SKIC3: variants seen among roughly 807,000 people sequenced by gnomAD.
The protein encoded by SKIC3 is superkiller complex protein 3.
chr5:95,491,689 C>T, the SKIC3 span, among the ~76,000 whole-genome samples: 18 of 152,202 alleles, frequency 1.2e-4, no homozygotes, highest in African/African-American at 3.6e-4. Context: ...TTATGCATAA[C>T]GACTTCTCTT....
chr5:95,533,802 T>C, the SKIC3 span, among the ~76,000 whole-genome samples: 6 of 152,202 alleles, frequency 3.9e-5, no homozygotes, highest in African/African-American at 1.4e-4. Flanking sequence ...ACTGAATTTA[T>C]GTGCAAAACT....
the SKIC3 span, chr5:95,516,369 G>A: frequency 1.2e-5 from 19 of 1,612,894 alleles, no homozygotes; most frequent in Non-Finnish European, 1.6e-5. Flanking sequence ...GTTTTCATTT[G>A]TGAGGTATAA....
chr5:95,524,733 A>G, the SKIC3 span: 1 of 1,138,614 alleles, frequency 8.8e-7, no homozygotes, highest in Non-Finnish European at 1.2e-6. Context: ...TCACTTTAGG[A>G]TTTATATTAT....
the SKIC3 span, among the ~76,000 whole-genome samples, chr5:95,505,730 T>C: frequency 6.6e-6 from 1 of 151,952 alleles, no homozygotes; most frequent in Non-Finnish European, 1.5e-5. Context: ...GGAGAATCTC[T>C]TGAACCCCAG....
the SKIC3 span, among the ~76,000 whole-genome samples, chr5:95,476,116 G>C: frequency 6.6e-6 from 1 of 152,338 alleles, no homozygotes; most frequent in African/African-American, 2.4e-5. Context: ...TGCAAAGGGA[G>C]GCATGCCCCA....
chr5:95,467,879 T>C, the SKIC3 span: 1 of 1,613,656 alleles, frequency 6.2e-7, no homozygotes, highest in Non-Finnish European at 8.5e-7. Context: ...AATAAGCTCA[T>C]AGTCATCTTT....
chr5:95,498,884 C>T, the SKIC3 span, among the ~76,000 whole-genome samples: 295 of 152,352 alleles, frequency 1.9e-3, no homozygotes, highest in South Asian at 4.6e-3. Flanking sequence ...CTCGGCCTCC[C>T]AAAGTGCTGG....
the SKIC3 span, chr5:95,491,109 ATTAAGAGT>A: frequency 6.3e-7 from 1 of 1,581,250 alleles, no homozygotes; most frequent in Non-Finnish European, 8.6e-7. Context: ...CAAAAATGAG[ATTAAGAGT>A]TTACAAGTTA....
At chr5:95,521,546 T>C in the SKIC3 span, 1 of 152,292 alleles carries the variant, frequency 6.6e-6, no homozygotes, top group Non-Finnish European at 1.5e-5. Flanking sequence ...TAAGCATATA[T>C]AATGAGCTCC....
the SKIC3 span, among the ~76,000 whole-genome samples, chr5:95,491,210 T>C: frequency 2.6e-5 from 4 of 152,206 alleles, no homozygotes; most frequent in African/African-American, 4.8e-5. Context: ...CATTGCTACA[T>C]TCATCTTTCC....
At chr5:95,545,173 C>G in the SKIC3 span, among the ~76,000 whole-genome samples, 1 of 152,094 alleles carries the variant, frequency 6.6e-6, no homozygotes, top group Admixed American at 6.5e-5. Flanking sequence ...ATAACTGAAA[C>G]GTGCATCAAT....
chr5:95,553,026 G>A, the SKIC3 span, among the ~76,000 whole-genome samples: 1 of 152,140 alleles, frequency 6.6e-6, no homozygotes. Context: ...TGTGGAATGA[G>A]GTACTCAATG....
the SKIC3 span, among the ~76,000 whole-genome samples, chr5:95,480,953 G>A: frequency 6.6e-6 from 1 of 152,018 alleles, no homozygotes; most frequent in Non-Finnish European, 1.5e-5. Context: ...GTTTTGGGGT[G>A]GGGGGAGTCA....
chr5:95,486,329 T>C, the SKIC3 span, among the ~76,000 whole-genome samples: 5 of 152,144 alleles, frequency 3.3e-5, no homozygotes, highest in Admixed American at 6.5e-5. Context: ...GGAGCAGCCA[T>C]GCATATTCAA....
chr5:95,511,898 A>T, the SKIC3 span, among the ~76,000 whole-genome samples: 8,830 of 152,298 alleles, frequency 0.058, 299 homozygotes, highest in South Asian at 0.14. Context: ...TAGTTTTATT[A>T]AAAAAGACGG....
At chr5:95,523,911 T>C in the SKIC3 span, 5 of 1,365,814 alleles carry the variant, frequency 3.7e-6, no homozygotes, top group South Asian at 2.6e-5. Flanking sequence ...AGAAGATAAA[T>C]ACACAGATTA....
the SKIC3 span, chr5:95,523,551 G>C: frequency 4.3e-6 from 6 of 1,379,648 alleles, no homozygotes; most frequent in Non-Finnish European, 5.8e-6. Context: ...TGCACCTATA[G>C]AAAAAAAACT....
At chr5:95,494,667 A>C in the SKIC3 span, 2 of 1,608,982 alleles carry the variant, frequency 1.2e-6, no homozygotes, top group Non-Finnish European at 1.7e-6. Flanking sequence ...TTAATGAAAT[A>C]GATATTATAT....
chr5:95,504,781 A>T, the SKIC3 span, among the ~76,000 whole-genome samples: 1 of 152,094 alleles, frequency 6.6e-6, no homozygotes, highest in African/African-American at 2.4e-5. Flanking sequence ...CAGGGGCATC[A>T]CTTGAGGTCA....
Sources: gnomAD v4.1 joint callset for allele counts (sites outside exome capture counted in the v4.1 genomes callset) on GRCh38, gnomAD v4.1.1 for gene constraint, MANE v1.5 for transcripts, NCBI Gene and HGNC (gene_info 2026-07-23, HGNC 2026-07-21) for gene names.